Variants in LUC7L2 observed in about 807,000 individuals in gnomAD.
LUC7L2 encodes the protein LUC7 like 2, pre-mRNA splicing factor.
A neutral mutation model predicts 52.8 loss-of-function variants in LUC7L2; 25 were observed. The observed-to-expected ratio is 0.47, with a 90% CI of 0.34 to 0.66. LUC7L2 has a LOEUF of 0.66. LUC7L2 is among the 30% of genes least tolerant of loss of function. LUC7L2 has a pLI of 0.01. For synonymous variants in LUC7L2, 144 were observed against 160.9 expected (o/e 0.89, Z 0.80); for missense variants, 328 against 497.8 (o/e 0.66, Z 3.25).
At chr7:139,366,496 AGTT>A (rs559717546) in intron 1 of LUC7L2, among the ~76,000 whole-genome samples, 11 of 135,254 alleles carry the variant, frequency 8.1e-5, no homozygotes, top group African/African-American at 2.3e-4. Flanking sequence ...ATAGTTTAAT[AGTT>A]AAAGTTACTT....
chr7:139,416,038 AAAATATATATATATAT>A (rs1199134923), intron 8 of LUC7L2: 8 of 69,968 alleles, frequency 1.1e-4, no homozygotes, highest in Non-Finnish European at 2.7e-5. Flanking sequence ...ATTGAGGTAT[AAAATATATATATATAT>A]ATATATATAT....
intron 2 of LUC7L2, among the ~76,000 whole-genome samples, chr7:139,382,404 A>T (rs1801079156): frequency 7.0e-6 from 1 of 142,112 alleles, no homozygotes; most frequent in Non-Finnish European, 1.5e-5. Context: ...TTATTTTTTG[A>T]GACAGTCTCT....
intron 2 of LUC7L2, among the ~76,000 whole-genome samples, chr7:139,391,564 T>G (rs571542296): frequency 2.6e-5 from 4 of 152,318 alleles, no homozygotes; most frequent in African/African-American, 9.6e-5. Flanking sequence ...CCTCTCAATT[T>G]TTTTTCTCTA....
chr7:139,419,000 A>G (rs768882545), intron 9 of LUC7L2, among the ~76,000 whole-genome samples: 1 of 152,124 alleles, frequency 6.6e-6, no homozygotes, highest in Non-Finnish European at 1.5e-5. Context: ...AATCCCAGCT[A>G]CTCAGGAGGC....
At chr7:139,342,405 A>G (rs1585053986) in intron 1 of LUC7L2, among the ~76,000 whole-genome samples, 1 of 152,272 alleles carries the variant, frequency 6.6e-6, no homozygotes, top group East Asian at 1.9e-4. Context: ...CACAATTGAA[A>G]GCCCAAGGGG....
intron 1 of LUC7L2, among the ~76,000 whole-genome samples, chr7:139,360,757 C>T (rs1214637209): frequency 6.6e-6 from 1 of 152,164 alleles, no homozygotes; most frequent in African/African-American, 2.4e-5. Flanking sequence ...TAGAGAGAAG[C>T]TTCCCCCTCC....
chr7:139,388,432 C>T (rs915255243), intron 2 of LUC7L2, among the ~76,000 whole-genome samples: 1 of 151,838 alleles, frequency 6.6e-6, no homozygotes, highest in African/African-American at 2.4e-5. Context: ...AAAGCAGCAG[C>T]GTTATGTATG....
chr7:139,375,031 C>G (rs1034232688), intron 1 of LUC7L2: 4 of 983,126 alleles, frequency 4.1e-6, no homozygotes, highest in Non-Finnish European at 4.8e-6. Context: ...TTTCATTCAT[C>G]GATAATATAT....
At chr7:139,356,869 C>T (rs1799622628), upstream of LUC7L2, among the ~76,000 whole-genome samples, 1 of 152,024 alleles carries the variant, frequency 6.6e-6, no homozygotes, top group Non-Finnish European at 1.5e-5. Flanking sequence ...AGGAAATGAT[C>T]CCAGATGGAC....
At position 139,417,599 on chromosome 7, in the gene LUC7L2, A is replaced by C. The variant is rs775433317; in HGVS notation, c.871A>C (p.Arg291=). ...SRSMSRERKR[R]TRSKSREKRH... ...CTCCATGTCACGTGAACGCAAGAGG[A>C]GAACTCGATCCAAATCTCGGGAGAA... The change falls in exon 9 of 10, where the codon AGA becomes CGA. Residue 291 remains arginine, a synonymous_variant. Transcript: ENST00000354926. 2.5e-6 allele frequency: 4 copies of C among 1,614,208 alleles called. No individual in the cohort carries two copies. The highest frequency in any genetic ancestry group is 3.3e-5 in the Admixed American group (2 of 60,016).
intron 5 of LUC7L2, among the ~76,000 whole-genome samples, chr7:139,406,644 C>T (rs895784572): frequency 2.0e-5 from 3 of 152,108 alleles, no homozygotes; most frequent in South Asian, 2.1e-4. Flanking sequence ...GTGAGCCACC[C>T]GGCCTGGCCT....
chr7:139,413,480 T>G (rs1001561915), intron 8 of LUC7L2, among the ~76,000 whole-genome samples: 2 of 152,312 alleles, frequency 1.3e-5, no homozygotes, highest in South Asian at 4.1e-4. Flanking sequence ...TTTGTTGTTA[T>G]GAAAGAAAAA....
intron 1 of LUC7L2, among the ~76,000 whole-genome samples, chr7:139,370,229 G>T (rs1800376035): frequency 6.6e-6 from 1 of 152,224 alleles, no homozygotes; most frequent in African/African-American, 2.4e-5. Context: ...AGGGGAACAT[G>T]TAGCAAGGGA....
upstream of LUC7L2, among the ~76,000 whole-genome samples, chr7:139,356,332 A>G (rs1275148858): frequency 6.3e-5 from 7 of 110,372 alleles, no homozygotes; most frequent in Admixed American, 4.1e-4. Context: ...AAAAAAAAAA[A>G]AAAAAAAAAA....
intron 9 of LUC7L2, among the ~76,000 whole-genome samples, chr7:139,419,408 A>C (rs1795785524): frequency 1.3e-5 from 2 of 152,232 alleles, no homozygotes; most frequent in Admixed American, 1.3e-4. Context: ...GGAGTTTGTA[A>C]AGGACAGAGT....
At chr7:139,377,366 G>A (rs978621709) in intron 2 of LUC7L2, among the ~76,000 whole-genome samples, 3 of 151,362 alleles carry the variant, frequency 2.0e-5, no homozygotes, top group South Asian at 2.1e-4. Flanking sequence ...CACCATGCCC[G>A]GCTAATTTTT....
intron 1 of LUC7L2, among the ~76,000 whole-genome samples, chr7:139,362,372 A>C (rs762415685): frequency 5.9e-5 from 9 of 151,908 alleles, no homozygotes; most frequent in Admixed American, 2.0e-4. Flanking sequence ...CAGGACTTTT[A>C]ATAATTAGGA....
At chr7:139,379,388 A>G (rs1261113124) in intron 2 of LUC7L2, among the ~76,000 whole-genome samples, 1 of 149,662 alleles carries the variant, frequency 6.7e-6, no homozygotes, top group East Asian at 2.0e-4. Flanking sequence ...TTTTCTCATT[A>G]TAAAGAGGTT....
chr7:139,395,932 G>A (rs1424409611), intron 2 of LUC7L2, among the ~76,000 whole-genome samples: 1 of 152,174 alleles, frequency 6.6e-6, no homozygotes, highest in African/African-American at 2.4e-5. Flanking sequence ...ATAGGCATTA[G>A]CCACTGTGGC....
Sources: allele counts gnomAD v4.1 joint callset (sites outside exome capture counted in the v4.1 genomes callset), GRCh38; gene constraint gnomAD v4.1.1; transcripts MANE v1.5; gene names NCBI Gene and HGNC (gene_info 2026-07-23, HGNC 2026-07-21).